The following KALRN variants were observed in gnomAD, a reference collection of about 807,000 sequenced individuals.
KALRN encodes kalirin.
Under a neutral mutation model 353.7 loss-of-function variants are expected in KALRN, and 70 were observed. The ratio of observed to expected loss-of-function variants is 0.20; its 90% CI spans 0.16 to 0.24. KALRN has a LOEUF of 0.24. KALRN is among the 10% of genes least tolerant of loss of function. The pLI, the probability that KALRN is intolerant of heterozygous loss-of-function variation, is 1.00. For missense variants in KALRN, 2,791 were observed against 3,756.7 expected, an observed-to-expected ratio of 0.74 and a Z score of 6.72; for synonymous variants, 1,391 against 1,434.8, an observed-to-expected ratio of 0.97 and a Z score of 0.69.
At chr3:124,037,109 C>T (rs540664965) in intron 1 of KALRN, among the ~76,000 whole-genome samples, 1 of 152,220 alleles carries the variant, frequency 6.6e-6, no homozygotes, top group Admixed American at 6.5e-5. Context: ...AACCAATTGA[C>T]CAGCAATCAA....
At chr3:124,146,939 T>C in intron 1 of KALRN, among the ~76,000 whole-genome samples, 1 of 141,630 alleles carries the variant, frequency 7.1e-6, no homozygotes, top group Non-Finnish European at 1.5e-5. Context: ...CCTGGAAACC[T>C]AGAACTTATC....
At chr3:124,188,209 G>A (rs2074459789) in intron 1 of KALRN, among the ~76,000 whole-genome samples, 1 of 152,174 alleles carries the variant, frequency 6.6e-6, no homozygotes, top group African/African-American at 2.4e-5. Flanking sequence ...CAGATTGCTA[G>A]GCCTCACCAC....
intron 1 of KALRN, among the ~76,000 whole-genome samples, chr3:124,110,498 T>C (rs1299075142): frequency 2.5e-5 from 3 of 117,710 alleles, no homozygotes; most frequent in East Asian, 3.2e-4. Flanking sequence ...CACACACACA[T>C]TGTGAAATGA....
At chr3:124,611,231 G>C (rs528283762) in intron 34 of KALRN, among the ~76,000 whole-genome samples, 2 of 152,038 alleles carry the variant, frequency 1.3e-5, no homozygotes, top group South Asian at 4.1e-4. Context: ...GGGAAGGACC[G>C]CCTAGGTAGA....
At chr3:124,237,496 G>A (rs906466254) in intron 3 of KALRN, among the ~76,000 whole-genome samples, 1 of 151,744 alleles carries the variant, frequency 6.6e-6, no homozygotes, top group African/African-American at 2.4e-5. Flanking sequence ...CCAAGTAGCC[G>A]GGATTACAGG....
intron 7 of KALRN, among the ~76,000 whole-genome samples, chr3:124,327,077 A>G (rs1311492950): frequency 6.6e-6 from 1 of 152,152 alleles, no homozygotes; most frequent in Non-Finnish European, 1.5e-5. Flanking sequence ...CCATGGTAGG[A>G]GTTTCATATT....
intron 14 of KALRN, among the ~76,000 whole-genome samples, chr3:124,420,887 T>C (rs527321149): frequency 1.6e-4 from 25 of 152,222 alleles, no homozygotes; most frequent in Non-Finnish European, 3.4e-4. Flanking sequence ...CGGTGTGAGT[T>C]AGAGTGAGGG....
chr3:124,079,583 T>C (rs914733838), intron 1 of KALRN, among the ~76,000 whole-genome samples: 2 of 152,178 alleles, frequency 1.3e-5, no homozygotes, highest in Non-Finnish European at 2.9e-5. Flanking sequence ...TGAGACTACA[T>C]TGATTGAAAA....
intron 56 of KALRN, among the ~76,000 whole-genome samples, chr3:124,700,706 G>C (rs1304090326): frequency 3.3e-5 from 5 of 152,120 alleles, no homozygotes; most frequent in Admixed American, 3.3e-4. Flanking sequence ...GCAAGGGAGT[G>C]GTCTGTGTGT....
intron 33 of KALRN, among the ~76,000 whole-genome samples, chr3:124,508,070 C>T (rs1182775331): frequency 3.3e-5 from 5 of 152,108 alleles, no homozygotes; most frequent in Non-Finnish European, 7.4e-5. Flanking sequence ...ATGTTACTTA[C>T]CATCTTATTT....
At chr3:124,287,983 C>T (rs983621691) in intron 5 of KALRN, among the ~76,000 whole-genome samples, 16 of 151,646 alleles carry the variant, frequency 1.1e-4, no homozygotes, top group African/African-American at 3.9e-4. Flanking sequence ...AAGTGATTCT[C>T]CTGCCTTAGC....
chr3:124,649,813 A>AGATAGATG (rs1394458420), intron 37 of KALRN, among the ~76,000 whole-genome samples: 1 of 150,888 alleles, frequency 6.6e-6, no homozygotes, highest in Non-Finnish European at 1.5e-5. Flanking sequence ...ATAGATAGAT[A>AGATAGATG]GATAGATAGA....
rs71145464 is a variant in KALRN, at chr3:124,618,086, CTTTTTTTTTTTTTTTTTTTTT to C, written c.5183-14314_5183-14294del. On this transcript the variant is annotated intron_variant, in intron 34 of 59. Coordinates refer to ENST00000682506, the MANE Select transcript of KALRN (RefSeq NM_001388419.1). Reference sequence around the variant, plus strand: ...GGAAAGAAAATACCAGTGCAGAAATCTTTTTTTTTTTTTTTTTTTTTTTTTTTTTTTTTTTTTTTTGAGATG... The same window carrying C: ...GGAAAGAAAATACCAGTGCAGAAATCTTTTTTTTTTTTTTTTTTTGAGATG... Among the ~76,000 whole-genome samples, 376 of 63,350 alleles carry C rather than the reference CTTTTTTTTTTTTTTTTTTTTT, an allele frequency of 5.9e-3. 4 individuals carry two copies. The highest frequency in any genetic ancestry group is 0.023 in the African/African-American group (342 of 14,888). 41.6% of individuals were successfully genotyped at this position (63,350 alleles called of 152,430 possible).
chr3:124,269,023 A>G lies in KALRN; in HGVS notation c.737A>G (p.Glu246Gly). Residue 246 changes from glutamate to glycine, a missense_variant, in exon 5 of 60, where the codon GAG becomes GGG. This residue lies in a region of KALRN where 366 missense variants were observed against 489.2 expected (regional missense o/e 0.75). Coordinates refer to ENST00000682506, the MANE Select transcript of KALRN (RefSeq NM_001388419.1). The part of the protein sequence containing the change: ...KKKVLKAPVE[E>G]LDREGQRLLQ... ...AAGGTGCTGAAGGCCCCTGTGGAGG[A>G]GCTGGACCGGGAGGGGCAGCGGCTG... 6.2e-7 allele frequency: 1 copy of G among 1,613,688 alleles called. No individual in the cohort carries two copies. Among genetic ancestry groups the G allele is most frequent in the Non-Finnish European group, 8.5e-7 (1 of 1,179,888 alleles).
chr3:124,681,629 C>CT (rs56934346), intron 51 of KALRN, among the ~76,000 whole-genome samples: 10,109 of 103,580 alleles, frequency 0.098, 1,080 homozygotes, highest in East Asian at 0.28. Flanking sequence ...CAGTGATTGT[C>CT]TTTTTTTTTT....
At chr3:124,317,817 C>T (rs1266022355) in intron 6 of KALRN, among the ~76,000 whole-genome samples, 2 of 151,378 alleles carry the variant, frequency 1.3e-5, no homozygotes, top group African/African-American at 4.9e-5. Context: ...CTAATTTCAA[C>T]CTTAAAGGTA....
At chr3:124,603,344 A>G (rs2077006100) in intron 34 of KALRN, among the ~76,000 whole-genome samples, 1 of 152,218 alleles carries the variant, frequency 6.6e-6, no homozygotes, top group South Asian at 2.1e-4. Context: ...TCCTCCTGGT[A>G]GCCTTGGCAG....
At chr3:124,400,800 A>G in intron 13 of KALRN, among the ~76,000 whole-genome samples, 1 of 152,210 alleles carries the variant, frequency 6.6e-6, no homozygotes, top group Non-Finnish European at 1.5e-5. Context: ...ACTGGGAGAG[A>G]ATATATCCAT....
intron 6 of KALRN, 93 bp from the exon 7 acceptor site, chr3:124,325,887 G>A: frequency 9.6e-7 from 1 of 1,039,724 alleles, no homozygotes; most frequent in Non-Finnish European, 1.4e-6. Flanking sequence ...CTTTTGTTTT[G>A]GGCAGCTCCC....
Sources: allele counts gnomAD v4.1 joint callset (sites outside exome capture counted in the v4.1 genomes callset), GRCh38; gene constraint gnomAD v4.1.1; regional missense constraint gnomAD v4.1.1; transcripts MANE v1.5; gene names NCBI Gene and HGNC (gene_info 2026-07-23, HGNC 2026-07-21).